Variants in NAV3 observed in about 807,000 individuals in gnomAD.
NAV3 encodes the protein neuron navigator 3, also known as pore membrane and/or filament interacting like protein 1.
Under a neutral mutation model 244.7 loss-of-function variants are expected in NAV3, and 87 were observed. That is an observed-to-expected ratio of 0.36 (90% CI 0.30 to 0.42). The LOEUF is 0.42. Ranked by LOEUF, NAV3 falls within the 20% of genes least tolerant of loss-of-function variation. The probability of loss-of-function intolerance (pLI) is 1.00; values close to 1 mark genes in which losing one functional copy is unlikely to be tolerated. For missense variants in NAV3, 2,663 were observed against 2,893.3 expected (o/e 0.92, Z 1.83); for synonymous variants, 1,126 against 1,042.2 (o/e 1.08, Z -1.55).
chr12:77,997,847 T>A (rs1215864251), intron 6 of NAV3, among the ~76,000 whole-genome samples: 1 of 152,248 alleles, frequency 6.6e-6, no homozygotes, highest in African/African-American at 2.4e-5. Context: ...GCATTAGCTA[T>A]TCCTTCTTGT....
intron 11 of NAV3, among the ~76,000 whole-genome samples, chr12:78,054,580 A>C (rs1242328197): frequency 6.6e-6 from 1 of 152,212 alleles, no homozygotes; most frequent in Non-Finnish European, 1.5e-5. Context: ...GAACTAGTGC[A>C]AGAGCTCTGG....
At chr12:78,029,950 C>A (rs1878700964) in intron 9 of NAV3, among the ~76,000 whole-genome samples, 1 of 152,152 alleles carries the variant, frequency 6.6e-6, no homozygotes, top group African/African-American at 2.4e-5. Flanking sequence ...GAGATAGAGA[C>A]ACCTTTGATT....
chr12:78,008,315 T>G (rs1242268), intron 8 of NAV3, among the ~76,000 whole-genome samples: 73,032 of 151,926 alleles, frequency 0.48, 18,408 homozygotes, highest in East Asian at 0.66. Flanking sequence ...TTTAAATGCA[T>G]TATTATGCAT....
At chr12:77,723,355 GA>G (rs2137304584) in intron 2 of NAV3, among the ~76,000 whole-genome samples, 1 of 88,704 alleles carries the variant, frequency 1.1e-5, no homozygotes, top group South Asian at 6.6e-4. Context: ...TAATGTTATT[GA>G]AAAGTTTTTT....
intron 12 of NAV3, among the ~76,000 whole-genome samples, chr12:78,094,985 T>C (rs746429224): frequency 6.6e-6 from 1 of 150,722 alleles, no homozygotes; most frequent in Non-Finnish European, 1.5e-5. Context: ...AGGCGAGGGT[T>C]GCAGTGAGCC....
chr12:77,990,924 A>G (rs1217187038), intron 5 of NAV3, among the ~76,000 whole-genome samples: 2 of 152,154 alleles, frequency 1.3e-5, no homozygotes, highest in African/African-American at 4.8e-5. Context: ...AATTGTCTCT[A>G]TTAATTGTGT....
At chr12:77,615,770 T>A (rs1190371641) in intron 2 of NAV3, among the ~76,000 whole-genome samples, 1 of 152,210 alleles carries the variant, frequency 6.6e-6, no homozygotes, top group Non-Finnish European at 1.5e-5. Flanking sequence ...TTGTTTGTGC[T>A]GTTAATTGTC....
At chr12:77,987,352 G>A (rs1870694933) in intron 5 of NAV3, among the ~76,000 whole-genome samples, 1 of 152,188 alleles carries the variant, frequency 6.6e-6, no homozygotes, top group Non-Finnish European at 1.5e-5. Flanking sequence ...AAATGCACAT[G>A]AGTTAACATT....
chr12:78,183,419 T>G (rs1958581492), intron 30 of NAV3, among the ~76,000 whole-genome samples: 1 of 151,910 alleles, frequency 6.6e-6, no homozygotes, highest in Non-Finnish European at 1.5e-5. Context: ...TCTCAATAAC[T>G]CTACCAGGAA....
chr12:77,643,676 T>C (rs11834316), intron 2 of NAV3, among the ~76,000 whole-genome samples: 19,930 of 151,862 alleles, frequency 0.13, 2,235 homozygotes, highest in African/African-American at 0.31. Flanking sequence ...TTTTATCCTA[T>C]TTACATTTAC....
chr12:78,001,932 C>T (rs118106563), intron 7 of NAV3, among the ~76,000 whole-genome samples: 1,589 of 152,280 alleles, frequency 0.01, 16 homozygotes, highest in Non-Finnish European at 0.016. Flanking sequence ...GAATAATACA[C>T]TCTGACACCA....
chr12:78,073,594 G>A lies in NAV3; in HGVS notation c.2636+14479G>A, dbSNP rs711154. 9.7e-4 allele frequency among the ~76,000 whole-genome samples: 148 copies of A among 152,156 alleles called. No individual in the cohort carries two copies. In the East Asian group the frequency reaches 0.017, roughly 17 times the overall value. On this transcript the variant is annotated intron_variant, in intron 12 of 39. Coordinates refer to ENST00000397909, the MANE Select transcript of NAV3 (RefSeq NM_001024383.2). ...CTCATGGGTAGGAAGAATCAATATCGTGAAAATGGCCATACTGCCCAAGGT... is the reference window on the plus strand; with the variant it reads ...CTCATGGGTAGGAAGAATCAATATCATGAAAATGGCCATACTGCCCAAGGT...
At chr12:77,773,985 AT>A (rs1027167321) in intron 2 of NAV3, among the ~76,000 whole-genome samples, 38 of 152,218 alleles carry the variant, frequency 2.5e-4, no homozygotes, top group African/African-American at 4.8e-4. Context: ...CCAAAAAATT[AT>A]TTTTTTATAC....
chr12:78,122,000 A>G lies in NAV3; in HGVS notation c.3810A>G (p.Lys1270=), dbSNP rs1027186620. The stretch of plus-strand genomic sequence containing the variant: ...CTGCACCTAATACTGAGGGTGTGAA[A>G]TCTTCCTCAGTAATGCCCAGCCCTA... The part of the protein sequence containing the change: ...SASAPNTEGV[K]SSSVMPSPST... Residue 1270 remains lysine (K), a synonymous_variant, in exon 16 of 40, where the codon AAA becomes AAG. Coordinates refer to ENST00000397909, the MANE Select transcript of NAV3 (RefSeq NM_001024383.2). The G allele has an allele frequency of 1.9e-5, 30 of 1,614,120 alleles. No homozygotes were observed. The highest frequency in any genetic ancestry group is 2.4e-5 in the Non-Finnish European group (28 of 1,180,016).
At chr12:77,873,675 A>ATG (rs540075634) in intron 1 of NAV3, among the ~76,000 whole-genome samples, 17,150 of 68,368 alleles carry the variant, frequency 0.25, 2,224 homozygotes, top group East Asian at 0.43. Flanking sequence ...CATGATTTGT[A>ATG]TGTGTATATA....
intron 2 of NAV3, among the ~76,000 whole-genome samples, chr12:77,747,046 CTT>C (rs928638531): frequency 6.6e-6 from 1 of 152,100 alleles, no homozygotes; most frequent in African/African-American, 2.4e-5. Flanking sequence ...GATATGGACT[CTT>C]TTTCTTCTTA....
chr12:77,596,710 AAAG>A (rs1233296670), intron 2 of NAV3, among the ~76,000 whole-genome samples: 1 of 152,172 alleles, frequency 6.6e-6, no homozygotes, highest in African/African-American at 2.4e-5. Flanking sequence ...CAATTAAATG[AAAG>A]AAGTTTCTAT....
intron 3 of NAV3, among the ~76,000 whole-genome samples, chr12:77,962,659 G>A (rs1049594473): frequency 5.9e-5 from 9 of 152,092 alleles, no homozygotes; most frequent in African/African-American, 2.2e-4. Flanking sequence ...AAGAGGCAAT[G>A]TAGGCATGGC....
chr12:78,095,064 T>TATATATACAC (rs1272776469), intron 12 of NAV3, among the ~76,000 whole-genome samples: 5 of 137,584 alleles, frequency 3.6e-5, no homozygotes, highest in African/African-American at 1.4e-4. Flanking sequence ...TATATATATA[T>TATATATACAC]ACACACACAC....
Sources: gnomAD v4.1 joint callset for allele counts (sites outside exome capture counted in the v4.1 genomes callset) on GRCh38, gnomAD v4.1.1 for gene constraint, MANE v1.5 for transcripts, NCBI Gene and HGNC (gene_info 2026-07-23, HGNC 2026-07-21) for gene names.